Variants in RFTN1 observed in about 807,000 individuals in gnomAD.
The protein encoded by RFTN1 is raftlin.
In RFTN1, 26 loss-of-function variants were observed where a neutral mutation model predicts 46.5. The observed-to-expected ratio is 0.56, with a 90% CI of 0.41 to 0.78. The LOEUF is 0.78. Ranked by LOEUF, RFTN1 falls within the 30% of genes least tolerant of loss-of-function variation. RFTN1 has a pLI of 0.00. For synonymous variants in RFTN1, 261 were observed against 284.2 expected (o/e 0.92, Z 0.82); for missense variants, 693 against 718.7 (o/e 0.96, Z 0.41).
intron 2 of RFTN1, among the ~76,000 whole-genome samples, chr3:16,467,511 G>A (rs1338094147): frequency 2.6e-5 from 4 of 152,198 alleles, no homozygotes; most frequent in African/African-American, 4.8e-5. Flanking sequence ...TGACTCATTC[G>A]TGATCCTCAA....
chr3:16,463,711 G>A (rs189033938), intron 2 of RFTN1, among the ~76,000 whole-genome samples: 1 of 152,166 alleles, frequency 6.6e-6, no homozygotes, highest in East Asian at 1.9e-4. Context: ...CATTTTTGGG[G>A]AATGGTCACA....
rs759597453 is a variant in RFTN1, at chr3:16,418,540, C to T, written c.333-9057G>A. ...ACAAACACAAACAGATTACTAGGCA[C>T]TTCTCCAGCCAGGAAAAAAAATACT... is the stretch of plus-strand genomic sequence containing the variant. On this transcript the variant is annotated intron_variant, in intron 3 of 9. Coordinates refer to ENST00000334133, the MANE Select transcript of RFTN1 (RefSeq NM_015150.2). The surrounding 1 kb of genome is among the most constrained non-coding windows in gnomAD (Gnocchi z 5.0). Among the ~76,000 whole-genome samples, 1 of 152,070 alleles carries T rather than the reference C, an allele frequency of 6.6e-6. No homozygotes were observed. Among genetic ancestry groups the T allele is most frequent in the Admixed American group, 6.6e-5 (1 of 15,256 alleles).
chr3:16,340,882 A>T (rs573278554), intron 7 of RFTN1, among the ~76,000 whole-genome samples: 2 of 152,246 alleles, frequency 1.3e-5, no homozygotes, highest in Admixed American at 6.5e-5. Flanking sequence ...GTCAAAGACT[A>T]GGAGAAATAT....
intron 2 of RFTN1, among the ~76,000 whole-genome samples, chr3:16,436,586 C>T (rs2075520482): frequency 6.6e-6 from 1 of 152,116 alleles, no homozygotes; most frequent in South Asian, 2.1e-4. Flanking sequence ...TCCCATAATA[C>T]ATATTTCATT....
rs150865315 is a variant in RFTN1, at chr3:16,372,709, G to A, written c.827-2430C>T. ...GAACCAGGAAAAGGGGAAGGCCAAAGGAGAAGTGAGAATGCTGGGGGTGTA... is the reference window on the plus strand; with the variant it reads ...GAACCAGGAAAAGGGGAAGGCCAAAAGAGAAGTGAGAATGCTGGGGGTGTA... On this transcript the variant is annotated intron_variant, in intron 5 of 9. Transcript: ENST00000334133. Among the ~76,000 whole-genome samples the A allele has an allele frequency of 5.4e-3, 822 of 152,322 alleles. 5 individuals are homozygous for A. The highest frequency in any genetic ancestry group is 0.019 in the African/African-American group (804 of 41,568).
chr3:16,408,455 G>A (rs1052073620), intron 4 of RFTN1, among the ~76,000 whole-genome samples: 2 of 151,546 alleles, frequency 1.3e-5, no homozygotes, highest in African/African-American at 2.4e-5. Flanking sequence ...CCTGTATGGG[G>A]TGGGGAATTG....
At chr3:16,453,104 T>C (rs971339908) in intron 2 of RFTN1, among the ~76,000 whole-genome samples, 1 of 152,212 alleles carries the variant, frequency 6.6e-6, no homozygotes, top group African/African-American at 2.4e-5. Context: ...CTATGTACTA[T>C]TATTATCTCC....
chr3:16,316,893 C>T lies in RFTN1; in HGVS notation c.1672G>A (p.Gly558Arg), dbSNP rs1157493693. 2.5e-6 allele frequency: 4 copies of T among 1,614,076 alleles called. No homozygotes were observed. Among genetic ancestry groups the T allele is most frequent in the Non-Finnish European group, 3.4e-6 (4 of 1,180,046 alleles). The change falls in exon 10 of 10, where the codon GGA becomes AGA. Residue 558 changes from glycine (G) to arginine (R), a missense_variant. Physicochemically the swap from Gly to Arg is moderately radical, Grantham distance 125 (BLOSUM62 -2). Coordinates refer to ENST00000334133, the MANE Select transcript of RFTN1 (RefSeq NM_015150.2). This position sits in a 1 kb window ranked among gnomAD's most constrained non-coding sequence, Gnocchi z 4.5. ...VGICTGHSNP[G>R]EDARDGDAEE... ...GCATCCCCGTCCCTGGCATCCTCTC[C>T]AGGATTGGAGTGCCCAGTGCAAATC...
chr3:16,385,546 T>C lies in RFTN1; in HGVS notation c.442-7444A>G, dbSNP rs895445192. Among the ~76,000 whole-genome samples the C allele has an allele frequency of 6.6e-6, 1 of 152,188 alleles. No individual in the cohort carries two copies. Among genetic ancestry groups the C allele is most frequent in the Non-Finnish European group, 1.5e-5 (1 of 68,024 alleles). On this transcript the variant is annotated intron_variant, in intron 4 of 9. Coordinates refer to ENST00000334133, the MANE Select transcript of RFTN1 (RefSeq NM_015150.2). This position sits in a 1 kb window ranked among gnomAD's most constrained non-coding sequence, Gnocchi z 5.0. ...GTAGTTATATTATTGGTCAAATCAG[T>C]TGATTTATTTTAGCCTCAGTTTCTT...
chr3:16,406,083 G>A (rs1256212709), intron 4 of RFTN1, among the ~76,000 whole-genome samples: 1 of 152,160 alleles, frequency 6.6e-6, no homozygotes, highest in East Asian at 1.9e-4. Flanking sequence ...AGCACCTGTG[G>A]TCTTCTACCT....
chr3:16,434,786 T>A (rs1339535823), intron 2 of RFTN1: 1 of 152,180 alleles, frequency 6.6e-6, no homozygotes, highest in African/African-American at 2.4e-5. Context: ...AAAATTTCTG[T>A]GACCCTTAAG....
rs1359081962 is a variant in RFTN1 at position 16,358,067 on chromosome 3, CGGGGGTGGG to C, written c.1031-29_1031-21del. 6 of 315,450 alleles carry C rather than the reference CGGGGGTGGG, an allele frequency of 1.9e-5. No individual in the cohort carries two copies. The Admixed American group carries it at 3.2e-4, about 17-fold the overall frequency. 19.5% of individuals were successfully genotyped at this position (315,450 alleles called of 1,614,324 possible). A position where few individuals can be genotyped will look rare whatever the true frequency, so the allele number is the denominator to read the frequency against. On this transcript the variant is annotated intron_variant, in intron 6 of 9. Coordinates refer to ENST00000334133, the MANE Select transcript of RFTN1 (RefSeq NM_015150.2). ...AGGAATCTGTGGAAAAAGAAAAAGGCGGGGGTGGGGGGGGTCTGTAAACCGTCTGTGGCA... is the reference window on the plus strand; with the variant it reads ...AGGAATCTGTGGAAAAAGAAAAAGGCGGGGGTCTGTAAACCGTCTGTGGCA...
At chr3:16,439,814 A>T (rs904698361) in intron 2 of RFTN1, among the ~76,000 whole-genome samples, 1 of 151,766 alleles carries the variant, frequency 6.6e-6, no homozygotes, top group African/African-American at 2.4e-5. Flanking sequence ...CCTCTGGGGG[A>T]GTGTGGGGAG....
At position 16,348,063 on chromosome 3, in the gene RFTN1, A is replaced by G. The variant is rs2071853647; in HGVS notation, c.1146+9869T>C. 6.6e-6 allele frequency: 1 copy of G among 152,162 alleles called. No homozygotes were observed. Among genetic ancestry groups the G allele is most frequent in the Non-Finnish European group, 1.5e-5 (1 of 68,038 alleles). The allele number at this position is 152,162 out of a possible 1,614,324, so 9.4% of individuals were successfully genotyped here. ...TTATGCTCAGAGTTGTCCCCATCTGAGGCCAGGGAGCAGGGCTTTCATACA... is the reference window on the plus strand; with the variant it reads ...TTATGCTCAGAGTTGTCCCCATCTGGGGCCAGGGAGCAGGGCTTTCATACA... On this transcript the variant is annotated intron_variant, in intron 7 of 9. Coordinates refer to ENST00000334133, the MANE Select transcript of RFTN1 (RefSeq NM_015150.2). The surrounding 1 kb of genome is among the most constrained non-coding windows in gnomAD (Gnocchi z 6.3).
In RFTN1 at chr3:16,426,511, A is replaced by G. The variant is rs1210754764; in HGVS notation, c.332+7340T>C. Among the ~76,000 whole-genome samples, 1 of 152,236 alleles carries G rather than the reference A, an allele frequency of 6.6e-6. No homozygotes were observed. Among genetic ancestry groups the G allele is most frequent in the African/African-American group, 2.4e-5 (1 of 41,454 alleles). On this transcript the variant is annotated intron_variant, in intron 3 of 9. Transcript: ENST00000334133. The surrounding 1 kb of genome is among the most constrained non-coding windows in gnomAD (Gnocchi z 5.9). ...TTGTAGGCTATAAAAAAAAGATAAC[A>G]TAATGCATTTGTACTTCACTTATGG...
intron 4 of RFTN1, among the ~76,000 whole-genome samples, chr3:16,403,294 A>G (rs558496529): frequency 6.6e-6 from 1 of 151,994 alleles, no homozygotes; most frequent in Non-Finnish European, 1.5e-5. Context: ...GGCTGGGTTC[A>G]TATCTCAGTC....
In RFTN1 at chr3:16,498,137, G is replaced by C. The variant is rs2076652593; in HGVS notation, c.-8-4260C>G. ...TGTGATCAGACACAGAAAAGATAAA[G>C]AGTATGTTACATTAAACCAAATTTG... On this transcript the variant is annotated intron_variant, in intron 1 of 9. Coordinates refer to ENST00000334133, the MANE Select transcript of RFTN1 (RefSeq NM_015150.2). This position sits in a 1 kb window ranked among gnomAD's most constrained non-coding sequence, Gnocchi z 5.2. Among the ~76,000 whole-genome samples the C allele has an allele frequency of 6.6e-6, 1 of 152,192 alleles. No individual in the cohort carries two copies. The highest frequency in any genetic ancestry group is 3.2e-3 in the Middle Eastern group (1 of 316).
intron 2 of RFTN1, among the ~76,000 whole-genome samples, chr3:16,467,434 A>T (rs2076115720): frequency 6.6e-6 from 1 of 152,050 alleles, no homozygotes; most frequent in Admixed American, 6.5e-5. Context: ...GGCCCTACAC[A>T]CAGGACATGG....
Position 16,407,043 on chromosome 3 carries a change from T to C in RFTN1, c.441+2332A>G, listed in dbSNP as rs916816737. ...CCACTGGACAGATGGACATCTCCACTTGGGTACTACAGAAACAACACCCCA... is the reference window on the plus strand; with the variant it reads ...CCACTGGACAGATGGACATCTCCACCTGGGTACTACAGAAACAACACCCCA... On this transcript the variant is annotated intron_variant, in intron 4 of 9. Transcript: ENST00000334133. The surrounding 1 kb of genome is among the most constrained non-coding windows in gnomAD (Gnocchi z 4.0). 1.1e-4 allele frequency among the ~76,000 whole-genome samples: 16 copies of C among 152,284 alleles called. 1 individual carries two copies. In the South Asian group the frequency reaches 3.3e-3, roughly 32 times the overall value.
Sources: allele counts gnomAD v4.1 joint callset (sites outside exome capture counted in the v4.1 genomes callset), GRCh38; gene constraint gnomAD v4.1.1; non-coding constraint Gnocchi (gnomAD v3.1); transcripts MANE v1.5; gene names NCBI Gene and HGNC (gene_info 2026-07-23, HGNC 2026-07-21).